ARID5B: variants seen among roughly 807,000 people sequenced by gnomAD.
The protein encoded by ARID5B is AT-rich interactive domain-containing protein 5B.
A neutral mutation model predicts 97.2 loss-of-function variants in ARID5B; 13 were observed. The ratio of observed to expected loss-of-function variants is 0.13; its 90% CI spans 0.09 to 0.21. The LOEUF (loss-of-function observed/expected upper bound fraction) is 0.21. Among genes scored for constraint, ARID5B ranks in the 10% least tolerant of loss-of-function variants. The probability of loss-of-function intolerance (pLI) is 1.00; values close to 1 mark genes in which losing one functional copy is unlikely to be tolerated. For synonymous variants in ARID5B, 556 were observed against 570.3 expected, an observed-to-expected ratio of 0.97 and a Z score of 0.36; for missense variants, 1,210 against 1,465.3, an observed-to-expected ratio of 0.83 and a Z score of 2.84.
At chr10:62,087,096 G>A (rs543066395) in intron 9 of ARID5B, among the ~76,000 whole-genome samples, 2 of 151,926 alleles carry the variant, frequency 1.3e-5, no homozygotes, top group Admixed American at 1.3e-4. Flanking sequence ...TCAGGAGATC[G>A]AGAGCATCCT....
intron 3 of ARID5B, among the ~76,000 whole-genome samples, chr10:61,947,590 T>C (rs539291096): frequency 6.6e-6 from 1 of 152,178 alleles, no homozygotes; most frequent in African/African-American, 2.4e-5. Flanking sequence ...TCTAAGAAAC[T>C]AGGAATACAT....
At chr10:62,056,281 T>C (rs140578217) in intron 5 of ARID5B, among the ~76,000 whole-genome samples, 13 of 152,198 alleles carry the variant, frequency 8.5e-5, no homozygotes, top group African/African-American at 3.1e-4. Context: ...CTCACTCTTC[T>C]TGGGTTTTTA....
chr10:61,991,973 G>A (rs756139278), intron 3 of ARID5B, among the ~76,000 whole-genome samples: 5 of 151,934 alleles, frequency 3.3e-5, no homozygotes, highest in Admixed American at 6.6e-5. Flanking sequence ...TGGAGGTTGC[G>A]GTGAGCTGAG....
intron 4 of ARID5B, 129 bp from the exon 5 acceptor site, chr10:62,050,759 G>A (rs2132931002): frequency 2.7e-6 from 2 of 734,368 alleles, no homozygotes; most frequent in South Asian, 1.8e-5. Flanking sequence ...AATAATGAGG[G>A]CTGCCTGCCA....
At chr10:62,035,898 C>T (rs1839557425) in intron 4 of ARID5B, among the ~76,000 whole-genome samples, 1 of 152,116 alleles carries the variant, frequency 6.6e-6, no homozygotes, top group Non-Finnish European at 1.5e-5. Context: ...GATCTCGGCT[C>T]ACTTCATGTT....
chr10:62,069,114 A>G (rs1042857816), intron 7 of ARID5B, among the ~76,000 whole-genome samples: 29 of 152,238 alleles, frequency 1.9e-4, no homozygotes, highest in African/African-American at 5.8e-4. Context: ...GCATAAAAAT[A>G]TAGCCTGAAA....
chr10:61,977,305 C>T (rs1302458303), intron 3 of ARID5B, among the ~76,000 whole-genome samples: 1 of 152,188 alleles, frequency 6.6e-6, no homozygotes, highest in Non-Finnish European at 1.5e-5. Flanking sequence ...GTGAATAGTG[C>T]TGCAATAAAC....
intron 4 of ARID5B, among the ~76,000 whole-genome samples, chr10:62,018,235 A>G (rs993041742): frequency 6.6e-6 from 1 of 152,216 alleles, no homozygotes; most frequent in Non-Finnish European, 1.5e-5. Flanking sequence ...ATTCCAGCTC[A>G]TTAGCACCTC....
chr10:62,003,326 T>C (rs1839105094), intron 4 of ARID5B, among the ~76,000 whole-genome samples: 1 of 152,128 alleles, frequency 6.6e-6, no homozygotes, highest in Non-Finnish European at 1.5e-5. Flanking sequence ...GTGGTAGGAA[T>C]TTAGCAGTGG....
In ARID5B at chr10:62,011,855, C is replaced by T. The variant is rs138971559; in HGVS notation, c.733+11534C>T. ...GGGCACCAGCTACTCGGCCTTTGCT[C>T]TTAATGCCATCCCCCAAAATGTGGC... On this transcript the variant is annotated intron_variant, in intron 4 of 9. Coordinates refer to ENST00000279873, the MANE Select transcript of ARID5B (RefSeq NM_032199.3). 4.3e-3 allele frequency among the ~76,000 whole-genome samples: 655 copies of T among 152,268 alleles called. 3 individuals carry two copies. The highest frequency in any genetic ancestry group is 5.9e-3 in the Non-Finnish European group (403 of 68,020).
chr10:61,937,505 G>C (rs1196537784), intron 2 of ARID5B, among the ~76,000 whole-genome samples: 1 of 152,200 alleles, frequency 6.6e-6, no homozygotes, highest in Non-Finnish European at 1.5e-5. Flanking sequence ...TAAGGACTTA[G>C]AACGTGGCTC....
chr10:61,902,805 G>A (rs1843640644), intron 2 of ARID5B, among the ~76,000 whole-genome samples: 1 of 151,220 alleles, frequency 6.6e-6, no homozygotes, highest in Non-Finnish European at 1.5e-5. Context: ...TGTCTGGCTC[G>A]GTCGTGTCTG....
In ARID5B at chr10:62,092,434, G is replaced by A. The variant is rs758222648; in HGVS notation, c.2971G>A (p.Gly991Ser). ...ACTGGAGAATTTCAGGAAGATGGAA[G>A]GCATGGTCCACCCAATCCTGCACCG... ...VRLENFRKME[G>S]MVHPILHRKM... is the part of the protein sequence containing the mutation. The change falls in exon 10 of 10, where the codon GGC becomes AGC. Residue 991 changes from glycine (G) to serine (S), a missense_variant. Coordinates refer to ENST00000279873, the MANE Select transcript of ARID5B (RefSeq NM_032199.3). 1.2e-6 allele frequency: 2 copies of A among 1,614,220 alleles called. No individual in the cohort carries two copies. Among genetic ancestry groups the A allele is most frequent in the Admixed American group, 1.7e-5 (1 of 60,026 alleles).
chr10:62,036,429 T>A (rs1159015898), intron 4 of ARID5B, among the ~76,000 whole-genome samples: 1 of 152,106 alleles, frequency 6.6e-6, no homozygotes, highest in Non-Finnish European at 1.5e-5. Context: ...TGACGCCCAA[T>A]GCCAGAGCAC....
At chr10:61,990,936 C>T (rs916481804) in intron 3 of ARID5B, among the ~76,000 whole-genome samples, 1 of 152,110 alleles carries the variant, frequency 6.6e-6, no homozygotes, top group Admixed American at 6.5e-5. Flanking sequence ...CCTAGACCCC[C>T]TGCACCTAGC....
intron 3 of ARID5B, among the ~76,000 whole-genome samples, chr10:61,947,236 A>G (rs944263036): frequency 3.4e-5 from 5 of 148,182 alleles, no homozygotes; most frequent in Middle Eastern, 7.4e-3. Flanking sequence ...ACAGCTTATT[A>G]CCAGTATATC....
At chr10:61,965,097 C>G (rs1838523991) in intron 3 of ARID5B, among the ~76,000 whole-genome samples, 1 of 152,062 alleles carries the variant, frequency 6.6e-6, no homozygotes, top group African/African-American at 2.4e-5. Flanking sequence ...TGGTTAGTCC[C>G]CATGAAGAAA....
chr10:61,956,921 T>G (rs1564612827), intron 3 of ARID5B, among the ~76,000 whole-genome samples: 1 of 152,200 alleles, frequency 6.6e-6, no homozygotes, highest in Non-Finnish European at 1.5e-5. Context: ...TGTGTTTGTG[T>G]GTAAATTGGT....
At chr10:61,927,876 G>A (rs999706582) in intron 2 of ARID5B, among the ~76,000 whole-genome samples, 19 of 152,178 alleles carry the variant, frequency 1.2e-4, no homozygotes, top group African/African-American at 4.3e-4. Flanking sequence ...AGAGTGTGTG[G>A]AGTCCCTCCA....
Sources: gnomAD v4.1 joint callset for allele counts (sites outside exome capture counted in the v4.1 genomes callset) on GRCh38, gnomAD v4.1.1 for gene constraint, MANE v1.5 for transcripts, NCBI Gene and HGNC (gene_info 2026-07-23, HGNC 2026-07-21) for gene names.